The following MXI1 variants were observed in gnomAD, a reference collection of about 807,000 sequenced individuals.
MXI1 encodes the protein max-interacting protein 1.
Under a neutral mutation model 36.9 loss-of-function variants are expected in MXI1, and 18 were observed. That is an observed-to-expected ratio of 0.49 (90% CI 0.34 to 0.72). The LOEUF is 0.72. MXI1 is among the 30% of genes least tolerant of loss of function. The probability of loss-of-function intolerance (pLI) is 0.01; values close to 1 mark genes in which losing one functional copy is unlikely to be tolerated. For missense variants in MXI1, 304 were observed against 379.1 expected (o/e 0.80, Z 1.64); for synonymous variants, 160 against 146.7 (o/e 1.09, Z -0.65).
intron 3 of MXI1, among the ~76,000 whole-genome samples, chr10:110,260,434 TGTGTG>T (rs1856470964): frequency 6.6e-6 from 1 of 151,234 alleles, no homozygotes; most frequent in Admixed American, 6.6e-5. Context: ...TGTGTGTGTG[TGTGTG>T]TGTGTGTGTG....
rs1160927861 is a variant in MXI1 at position 110,207,637 on chromosome 10, A to G, written c.-172A>G. On this transcript the variant is annotated 5_prime_UTR_variant, in exon 1 of 6. Transcript: ENST00000332674. ...CAGACTCACAGCGAGACCGACACAC[A>G]CTCCCATACACTCACACACACAACT... 1 of 193,498 alleles carries G rather than the reference A, an allele frequency of 5.2e-6. No homozygotes were observed. The highest frequency in any genetic ancestry group is 6.2e-5 in the Admixed American group (1 of 16,022). 12.0% of individuals were successfully genotyped at this position (193,498 alleles called of 1,614,324 possible). A position where few individuals can be genotyped will look rare whatever the true frequency, so the allele number is the denominator to read the frequency against.
At chr10:110,276,050 C>T (rs1006420367) in intron 3 of MXI1, among the ~76,000 whole-genome samples, 1 of 152,124 alleles carries the variant, frequency 6.6e-6, no homozygotes, top group Non-Finnish European at 1.5e-5. Flanking sequence ...CCTGATTTGT[C>T]GGTGCATTGC....
At chr10:110,209,411 CACA>C (rs1213039575) in intron 1 of MXI1, among the ~76,000 whole-genome samples, 1 of 152,200 alleles carries the variant, frequency 6.6e-6, no homozygotes, top group Non-Finnish European at 1.5e-5. Flanking sequence ...CCCCACCCAA[CACA>C]ACAACCCTCA....
At chr10:110,227,312 G>GA in intron 1 of MXI1, 2 of 975,556 alleles carry the variant, frequency 2.1e-6, no homozygotes, top group African/African-American at 1.8e-5. Context: ...GGGCGGGTGC[G>GA]GGGAGGGGCG....
chr10:110,247,368 T>C (rs1188035543), intron 3 of MXI1, among the ~76,000 whole-genome samples: 1 of 152,258 alleles, frequency 6.6e-6, no homozygotes. Context: ...TTTCTTTTGC[T>C]GTGCAGAAGC....
intron 1 of MXI1, among the ~76,000 whole-genome samples, chr10:110,221,287 A>G (rs1394120875): frequency 1.3e-5 from 2 of 152,236 alleles, no homozygotes; most frequent in Admixed American, 6.5e-5. Context: ...GCAAGTTACC[A>G]TACCTCTCTG....
At chr10:110,221,055 G>A (rs1468999751) in intron 1 of MXI1, among the ~76,000 whole-genome samples, 1 of 152,220 alleles carries the variant, frequency 6.6e-6, no homozygotes, top group Non-Finnish European at 1.5e-5. Flanking sequence ...GGAAGGGTGA[G>A]GTTGGGCCCA....
intron 3 of MXI1, among the ~76,000 whole-genome samples, chr10:110,251,326 A>G (rs71479294): frequency 0.11 from 16,233 of 152,164 alleles, 1,096 homozygotes; most frequent in Non-Finnish European, 0.15. Flanking sequence ...GTTAATATCA[A>G]TCTTTCAGCA....
rs939765825 is a variant in MXI1 at position 110,214,532 on chromosome 10, GA to G, written c.274+6459del. 3.3e-5 allele frequency among the ~76,000 whole-genome samples: 5 copies of G among 149,652 alleles called. No homozygotes were observed. The East Asian group carries it at 5.9e-4, about 18-fold the overall frequency. On this transcript the variant is annotated intron_variant, in intron 1 of 5. Transcript: ENST00000332674. ...TCAAAAGCCGGGTCTTTTGCCTTTTGAAAAAAAAACCCAGCCCTGCAGAAGC... is the reference window on the plus strand; with the variant it reads ...TCAAAAGCCGGGTCTTTTGCCTTTTGAAAAAAAACCCAGCCCTGCAGAAGC...
At chr10:110,267,444 A>T (rs371428292) in intron 3 of MXI1, among the ~76,000 whole-genome samples, 1 of 152,202 alleles carries the variant, frequency 6.6e-6, no homozygotes, top group Non-Finnish European at 1.5e-5. Flanking sequence ...TGGACCATTG[A>T]TGCAACCAAA....
intron 1 of MXI1, among the ~76,000 whole-genome samples, chr10:110,216,663 A>ATTTTT (rs1166044480): frequency 1.0e-4 from 4 of 39,446 alleles, no homozygotes; most frequent in East Asian, 9.5e-4. Context: ...TCTGTGTTTA[A>ATTTTT]TGTTTTTTTT....
rs1473967741 is a variant in MXI1, at chr10:110,236,121, GTTCTTTTT to G, written c.407+7803_407+7810del. On this transcript the variant is annotated intron_variant, in intron 2 of 5. Transcript: ENST00000332674. Reference sequence around the variant, plus strand: ...TAGAGGGTGTGAAGTAAAGGTTGAAGTTCTTTTTTTTTTTTTTTTTTTTTTTTTTTTTT... The same window carrying G: ...TAGAGGGTGTGAAGTAAAGGTTGAAGTTTTTTTTTTTTTTTTTTTTTTTTT... 3.1e-4 allele frequency among the ~76,000 whole-genome samples: 21 copies of G among 67,916 alleles called. No individual in the cohort carries two copies. The East Asian group carries it at 3.7e-3, about 12-fold the overall frequency. The allele number at this position is 67,916 out of a possible 152,430, so 44.6% of individuals were successfully genotyped here. A position where few individuals can be genotyped will look rare whatever the true frequency, so the allele number is the denominator to read the frequency against.
At chr10:110,214,965 C>A (rs1222994094) in intron 1 of MXI1, among the ~76,000 whole-genome samples, 1 of 149,452 alleles carries the variant, frequency 6.7e-6, no homozygotes, top group Non-Finnish European at 1.5e-5. Context: ...AATGGGGGAG[C>A]TTTATAGTAA....
At chr10:110,220,155 A>G (rs1397985450) in intron 1 of MXI1, among the ~76,000 whole-genome samples, 1 of 152,196 alleles carries the variant, frequency 6.6e-6, no homozygotes, top group African/African-American at 2.4e-5. Context: ...TCAAGTTCCA[A>G]TCTGTTCATA....
intron 5 of MXI1, among the ~76,000 whole-genome samples, chr10:110,281,998 G>T (rs1325236347): frequency 1.3e-5 from 2 of 152,038 alleles, no homozygotes; most frequent in South Asian, 2.1e-4. Flanking sequence ...CATTCCTCTT[G>T]TATTTATAAA....
intron 3 of MXI1, among the ~76,000 whole-genome samples, chr10:110,245,301 A>C (rs1855823782): frequency 6.6e-6 from 1 of 152,276 alleles, no homozygotes; most frequent in Non-Finnish European, 1.5e-5. Flanking sequence ...GCTGTATGTC[A>C]GTGCCAGGCA....
intron 2 of MXI1, among the ~76,000 whole-genome samples, chr10:110,239,621 T>C (rs370080173): frequency 6.6e-6 from 1 of 152,208 alleles, no homozygotes; most frequent in Non-Finnish European, 1.5e-5. Context: ...TTCAGTACTT[T>C]TAGATTTGTT....
At chr10:110,256,802 A>C (rs994780312) in intron 3 of MXI1, among the ~76,000 whole-genome samples, 1 of 152,256 alleles carries the variant, frequency 6.6e-6, no homozygotes, top group Non-Finnish European at 1.5e-5. Flanking sequence ...AAAGGTCTTG[A>C]AAAGTCCACT....
intron 3 of MXI1, among the ~76,000 whole-genome samples, chr10:110,250,829 C>CA (rs113320766): frequency 0.14 from 14,593 of 101,594 alleles, 1,280 homozygotes; most frequent in East Asian, 0.36. Flanking sequence ...AAGACTTTGT[C>CA]AAAAAAAAAA....
Sources: gnomAD v4.1 joint callset for allele counts (sites outside exome capture counted in the v4.1 genomes callset) on GRCh38, gnomAD v4.1.1 for gene constraint, MANE v1.5 for transcripts, NCBI Gene and HGNC (gene_info 2026-07-23, HGNC 2026-07-21) for gene names.